The following USP40 variants were observed in gnomAD, a reference collection of about 807,000 sequenced individuals.
USP40 encodes the protein ubiquitin specific peptidase 40, also known as ubiquitin carboxyl-terminal hydrolase 40.
USP40 carries 143 observed loss-of-function variants against 166.2 expected under a neutral mutation model. That is an observed-to-expected ratio of 0.86 (90% CI 0.75 to 0.99). The LOEUF is 0.99. USP40 is among the 50% of genes least tolerant of loss of function. USP40 has a pLI of 0.00. For synonymous variants in USP40, 498 were observed against 524.0 expected, an observed-to-expected ratio of 0.95 and a Z score of 0.68; for missense variants, 1,444 against 1,479.7, an observed-to-expected ratio of 0.98 and a Z score of 0.40.
At chr2:233,494,954 A>ATATATATT in intron 24 of USP40, among the ~76,000 whole-genome samples, 1 of 26,988 alleles carries the variant, frequency 3.7e-5, no homozygotes, top group South Asian at 8.6e-4. Flanking sequence ...ATATATATAT[A>ATATATATT]TTTATATATA....
intron 10 of USP40, among the ~76,000 whole-genome samples, chr2:233,540,125 A>C (rs1380465758): frequency 2.0e-5 from 3 of 148,648 alleles, no homozygotes; most frequent in Non-Finnish European, 3.0e-5. Flanking sequence ...CCTCAACTCA[A>C]AAAAAAAAAA....
At chr2:233,514,118 A>C (rs1377033356) in intron 18 of USP40, among the ~76,000 whole-genome samples, 1 of 152,242 alleles carries the variant, frequency 6.6e-6, no homozygotes, top group African/African-American at 2.4e-5. Flanking sequence ...ACAGGTACTT[A>C]CTGTGTATTG....
At chr2:233,494,964 AT>A (rs2065644200) in intron 24 of USP40, among the ~76,000 whole-genome samples, 1 of 74,670 alleles carries the variant, frequency 1.3e-5, no homozygotes, top group African/African-American at 6.7e-5. Context: ...ATTTATATAT[AT>A]ATATATATAT....
intron 3 of USP40, among the ~76,000 whole-genome samples, chr2:233,560,425 G>C (rs1299255394): frequency 6.6e-6 from 1 of 152,146 alleles, no homozygotes; most frequent in Non-Finnish European, 1.5e-5. Context: ...TCAGAGTCTG[G>C]TCTGTAGGCT....
rs1336582621 is a variant in USP40, at chr2:233,528,758, C to A, written c.1553+673G>T. 4.6e-5 allele frequency among the ~76,000 whole-genome samples: 7 copies of A among 151,878 alleles called. No homozygotes were observed. In the East Asian group the frequency reaches 5.8e-4, roughly 13 times the overall value. ...CCAATGATAAAAATGTCAAATACACCCTGTCACATAATCAGGCAGTTTGGT... is the reference window on the plus strand; with the variant it reads ...CCAATGATAAAAATGTCAAATACACACTGTCACATAATCAGGCAGTTTGGT... On this transcript the variant is annotated intron_variant, in intron 12 of 31. Coordinates refer to ENST00000678225, the MANE Select transcript of USP40 (RefSeq NM_001365479.2).
intron 9 of USP40, among the ~76,000 whole-genome samples, chr2:233,541,390 T>C (rs1230963352): frequency 6.6e-6 from 1 of 152,106 alleles, no homozygotes; most frequent in Non-Finnish European, 1.5e-5. Flanking sequence ...TTGGACAAAG[T>C]GACACCAGGG....
Position 233,562,938 on chromosome 2 carries a change from T to A in USP40, c.200-135A>T, listed in dbSNP as rs1024334133. The stretch of plus-strand genomic sequence containing the variant: ...GATTGTGGCAATATTTATACCTTAC[T>A]CTATACACTTTACTTTCTTGTAACA... On this transcript the variant is annotated intron_variant, in intron 2 of 31. Coordinates refer to ENST00000678225, the MANE Select transcript of USP40 (RefSeq NM_001365479.2). 9.7e-6 allele frequency: 5 copies of A among 517,728 alleles called. No individual in the cohort carries two copies. The African/African-American group carries it at 9.8e-5, about 10-fold the overall frequency. 32.1% of individuals were successfully genotyped at this position (517,728 alleles called of 1,614,324 possible).
intron 13 of USP40, among the ~76,000 whole-genome samples, chr2:233,526,175 A>C (rs894653042): frequency 2.0e-5 from 3 of 152,170 alleles, no homozygotes; most frequent in Non-Finnish European, 4.4e-5. Flanking sequence ...TCTTAAAAAG[A>C]AACTTCTTAT....
In USP40 at chr2:233,476,970, C is replaced by A; in HGVS notation, c.*422G>T. 3.3e-6 allele frequency: 1 copy of A among 302,212 alleles called. No homozygotes were observed. Among genetic ancestry groups the A allele is most frequent in the Non-Finnish European group, 6.4e-6 (1 of 156,238 alleles). The allele number at this position is 302,212 out of a possible 1,614,324, so 18.7% of individuals were successfully genotyped here. On this transcript the variant is annotated 3_prime_UTR_variant, in exon 32 of 32. Transcript: ENST00000678225. ...GCCTGAGACACTGTGAGAAGCCGGT[C>A]AGGGCGAACGAGAGTCATCTGAACA...
At position 233,524,428 on chromosome 2, in the gene USP40, C is replaced by A. The variant is rs1431018744; in HGVS notation, c.1881+64G>T. 2.1e-6 allele frequency: 3 copies of A among 1,434,946 alleles called. No homozygotes were observed. In the Admixed American group the frequency reaches 5.7e-5, roughly 27 times the overall value. The allele number at this position is 1,434,946 out of a possible 1,614,324, so 88.9% of individuals were successfully genotyped here. ...TACAGGCATGAGCCACCATGCCCGG[C>A]CATTACGATGACTTTTAAAACATCC... On this transcript the variant is annotated intron_variant, in intron 15 of 31. Coordinates refer to ENST00000678225, the MANE Select transcript of USP40 (RefSeq NM_001365479.2).
intron 31 of USP40, among the ~76,000 whole-genome samples, chr2:233,478,613 G>A (rs1045278491): frequency 6.6e-6 from 1 of 152,148 alleles, no homozygotes; most frequent in East Asian, 1.9e-4. Context: ...ATCCACATCT[G>A]TACTGCAAAA....
chr2:233,533,180 C>T (rs982228275), intron 11 of USP40, among the ~76,000 whole-genome samples: 2 of 152,072 alleles, frequency 1.3e-5, no homozygotes, highest in Admixed American at 1.3e-4. Flanking sequence ...ATATGGCAAT[C>T]GCACTCAAGT....
chr2:233,542,708 T>C (rs2069537556), intron 8 of USP40: 1 of 165,832 alleles, frequency 6.0e-6, no homozygotes, highest in Non-Finnish European at 1.3e-5. Flanking sequence ...GATGATGAAA[T>C]GGTGGTAAAA....
rs763286399 is a variant in USP40, at chr2:233,527,535, G to A, written c.1597C>T (p.His533Tyr). ...SANNTFELHLHLGPQYHFFNG... is the reference protein window; with the variant it reads ...SANNTFELHLYLGPQYHFFNG... ...AAGAAATGATACTGAGGGCCCAGGT[G>A]AAGATGCAATTCAAAAGTATTGTTT... Residue 533 changes from histidine to tyrosine, a missense_variant, in exon 13 of 32, where the codon CAC (histidine) becomes TAC (tyrosine). Transcript: ENST00000678225. The A allele has an allele frequency of 6.2e-7, 1 of 1,612,680 alleles. No homozygotes were observed. The highest frequency in any genetic ancestry group is 8.5e-7 in the Non-Finnish European group (1 of 1,179,518).
chr2:233,546,701 A>T (rs1425390835), intron 8 of USP40: 2 of 152,246 alleles, frequency 1.3e-5, no homozygotes, highest in Non-Finnish European at 2.9e-5. Flanking sequence ...CCAGACATGG[A>T]CAAGCTTCGA....
intron 18 of USP40, among the ~76,000 whole-genome samples, chr2:233,517,781 G>GGTGTGTGTGTGTGTGT (rs111938537): frequency 2.4e-4 from 34 of 142,170 alleles, no homozygotes; most frequent in African/African-American, 7.8e-4. Context: ...AAGAAACTGT[G>GGTGTGTGTGTGTGTGT]GTGTGTGTGT....
intron 30 of USP40, among the ~76,000 whole-genome samples, chr2:233,482,761 C>T (rs942322849): frequency 4.6e-5 from 7 of 152,184 alleles, no homozygotes; most frequent in East Asian, 1.9e-4. Context: ...CTCAAACTCC[C>T]GAGTGCAAGT....
intron 17 of USP40, among the ~76,000 whole-genome samples, chr2:233,520,741 A>G (rs1429138248): frequency 1.3e-5 from 2 of 152,198 alleles, no homozygotes; most frequent in Non-Finnish European, 2.9e-5. Flanking sequence ...TCCATGAACT[A>G]ACTAAATGAG....
intron 25 of USP40, chr2:233,492,556 G>A (rs181620315): frequency 1.3e-5 from 2 of 152,234 alleles, no homozygotes; most frequent in South Asian, 2.1e-4. Context: ...TAGTTAACAT[G>A]AACTACTGTA....
Sources: gnomAD v4.1 joint callset for allele counts (sites outside exome capture counted in the v4.1 genomes callset) on GRCh38, gnomAD v4.1.1 for gene constraint, MANE v1.5 for transcripts, NCBI Gene and HGNC (gene_info 2026-07-23, HGNC 2026-07-21) for gene names.